Variants in UGT2B10 observed in about 807,000 individuals in gnomAD.
UGT2B10 encodes the protein UDP glucuronosyltransferase family 2 member B10, also known as UDP-glucuronosyltransferase 2B10.
UGT2B10 carries 51 observed loss-of-function variants against 43.7 expected under a neutral mutation model. The observed-to-expected ratio is 1.17, with a 90% CI of 0.93 to 1.47. UGT2B10 has a LOEUF of 1.47. Among genes scored for constraint, UGT2B10 ranks in the 40% most tolerant of loss-of-function variants. The pLI is 0.00. For missense variants in UGT2B10, 696 were observed against 617.7 expected, an observed-to-expected ratio of 1.13 and a Z score of -1.34; for synonymous variants, 225 against 209.0, an observed-to-expected ratio of 1.08 and a Z score of -0.66.
In UGT2B10 at chr4:68,830,695, G is replaced by A. The variant is rs375571968; in HGVS notation, c.1403G>A (p.Arg468His). Residue 468 changes from arginine (R) to histidine (H), a missense_variant, in exon 6 of 6, where the codon CGC (arginine) becomes CAC (histidine). Coordinates refer to ENST00000265403, the MANE Select transcript of UGT2B10 (RefSeq NM_001075.6). The part of the protein sequence containing the change: ...RAVFWIEFVM[R>H]HKGAKHLRVA... ...GTCTTCTGGATTGAATTTGTCATGC[G>A]CCACAAAGGAGCCAAACATCTTCGA... The A allele has an allele frequency of 1.4e-4, 230 of 1,613,236 alleles. No individual in the cohort carries two copies. Among genetic ancestry groups the A allele is most frequent in the Non-Finnish European group, 1.8e-4 (213 of 1,179,504 alleles).
chr4:68,826,608 ACTT>A (rs758224292), intron 4 of UGT2B10, 111 bp downstream of exon 4: 85 of 1,299,724 alleles, frequency 6.5e-5, no homozygotes, highest in Middle Eastern at 4.6e-4. Flanking sequence ...ACAAAAAAGA[ACTT>A]CTTTATATTT....
At chr4:68,826,627 C>A (rs1374258213) in intron 4 of UGT2B10, 130 bp downstream of exon 4, 3 of 1,143,882 alleles carry the variant, frequency 2.6e-6, no homozygotes, top group Non-Finnish European at 3.6e-6. Context: ...TATTTATTTT[C>A]CAGTCCTAGG....
intron 5 of UGT2B10, among the ~76,000 whole-genome samples, chr4:68,829,548 G>A (rs138640546): frequency 0.036 from 5,493 of 151,952 alleles, 337 homozygotes; most frequent in African/African-American, 0.12. Flanking sequence ...CTAGGAATCA[G>A]ATAGAAAATA....
At chr4:68,824,408 A>G (rs1203656607) in intron 3 of UGT2B10, among the ~76,000 whole-genome samples, 4 of 152,110 alleles carry the variant, frequency 2.6e-5, no homozygotes, top group Non-Finnish European at 5.9e-5. Flanking sequence ...CAGATTAACA[A>G]CCCCTCCCAA....
rs1738109646 is a variant in UGT2B10 at position 68,831,764 on chromosome 4, T to C, written c.*885T>C. 6.6e-6 allele frequency among the ~76,000 whole-genome samples: 1 copy of C among 152,128 alleles called. No individual in the cohort carries two copies. Among genetic ancestry groups the C allele is most frequent in the African/African-American group, 2.4e-5 (1 of 41,462 alleles). On this transcript the variant is annotated 3_prime_UTR_variant, in exon 6 of 6. Transcript: ENST00000265403. ...ATGCTTTGTTAAAGTGTTTATGCCC[T>C]GATTCAATGTGATTATCTCAATTTT... is the stretch of plus-strand genomic sequence containing the variant.
Position 68,818,042 on chromosome 4 carries a change from A to T in UGT2B10, c.732A>T (p.Thr244=). The T allele has an allele frequency of 4.3e-6, 7 of 1,609,690 alleles. No individual in the cohort carries two copies. Among genetic ancestry groups the T allele is most frequent in the Non-Finnish European group, 5.9e-6 (7 of 1,178,046 alleles). The change falls in exon 2 of 6, where the codon ACA becomes ACT. Residue 244 remains threonine, a synonymous_variant. Transcript: ENST00000265403. ...TATTCCTATCAGGAAGACCCACTAC[A>T]TTATCTGAGACAATGAGGAAAGCTG... ...FYSEVLGRPT[T]LSETMRKADI... is the part of the protein sequence containing the mutation.
At chr4:68,821,302 A>G (rs1201306656) in intron 2 of UGT2B10, among the ~76,000 whole-genome samples, 4 of 152,168 alleles carry the variant, frequency 2.6e-5, no homozygotes, top group Non-Finnish European at 5.9e-5. Flanking sequence ...GCAGCCAAGC[A>G]CATCTTCACC....
chr4:68,818,996 GT>G (rs1411765520), intron 2 of UGT2B10, among the ~76,000 whole-genome samples: 5 of 151,982 alleles, frequency 3.3e-5, no homozygotes, highest in Admixed American at 6.6e-5. Flanking sequence ...GGGCCAGACT[GT>G]AAAGACCGAA....
At chr4:68,821,542 T>A (rs1195699521) in intron 2 of UGT2B10, among the ~76,000 whole-genome samples, 1 of 152,170 alleles carries the variant, frequency 6.6e-6, no homozygotes, top group Non-Finnish European at 1.5e-5. Context: ...ATTATTCAAC[T>A]ACTAACTATA....
rs368027243 is a variant in UGT2B10 at position 68,830,665 on chromosome 4, G to T, written c.1373G>T (p.Arg458Leu). ...GATCAACCAGTGAAGCCCCTGGATC[G>T]AGCAGTCTTCTGGATTGAATTTGTC... is the stretch of plus-strand genomic sequence containing the variant. Reference protein sequence around the residue: ...QHDQPVKPLDRAVFWIEFVMR... With the variant: ...QHDQPVKPLDLAVFWIEFVMR... The change falls in exon 6 of 6, where the codon CGA becomes CTA. Residue 458 changes from arginine to leucine, a missense_variant. Arg to Leu is a moderately radical substitution (Grantham distance 102). Coordinates refer to ENST00000265403, the MANE Select transcript of UGT2B10 (RefSeq NM_001075.6). The T allele has an allele frequency of 1.6e-5, 26 of 1,613,102 alleles. No individual in the cohort carries two copies. The highest frequency in any genetic ancestry group is 2.1e-5 in the Non-Finnish European group (25 of 1,179,430).
chr4:68,816,867 A>G (rs1245953199), intron 1 of UGT2B10, 130 bp downstream of exon 1: 3 of 826,162 alleles, frequency 3.6e-6, no homozygotes, highest in South Asian at 3.9e-5. Context: ...AAAATACAAG[A>G]TGATCTACCA....
chr4:68,818,659 T>C (rs1268585752), intron 2 of UGT2B10, among the ~76,000 whole-genome samples: 1 of 151,856 alleles, frequency 6.6e-6, no homozygotes, highest in East Asian at 1.9e-4. Flanking sequence ...GTGGAGATAA[T>C]AGAAAGTATC....
chr4:68,828,724 A>G (rs1202182168), intron 5 of UGT2B10, among the ~76,000 whole-genome samples: 3 of 152,166 alleles, frequency 2.0e-5, no homozygotes, highest in South Asian at 4.1e-4. Flanking sequence ...CAATACACAT[A>G]TATGTATCGT....
chr4:68,822,449 G>C (rs1560417020), intron 3 of UGT2B10, 47 bp downstream of exon 3: 2 of 1,607,806 alleles, frequency 1.2e-6, no homozygotes, highest in Admixed American at 3.5e-5. Context: ...GAAAGAGGCT[G>C]TTAAAGTTTG....
intron 3 of UGT2B10, among the ~76,000 whole-genome samples, chr4:68,823,984 G>T (rs1457033350): frequency 6.6e-6 from 1 of 152,100 alleles, no homozygotes; most frequent in Admixed American, 6.6e-5. Context: ...GAATTCCTGA[G>T]GGCACTGTAC....
intron 2 of UGT2B10, among the ~76,000 whole-genome samples, chr4:68,819,292 C>A (rs1379523892): frequency 3.3e-5 from 5 of 151,922 alleles, no homozygotes; most frequent in Non-Finnish European, 4.4e-5. Context: ...TTAAGAGAAC[C>A]AGATTATTCA....
In UGT2B10 at chr4:68,822,256, T is replaced by C; in HGVS notation, c.868-15T>C. On this transcript the variant is annotated splice_polypyrimidine_tract_variant and intron_variant, in intron 2 of 5. Transcript: ENST00000265403. ...ATACTCTTTTATGATGAAACATTTT[T>C]TCTTTTTCCCACAGGAAATGGAGGA... The C allele has an allele frequency of 1.2e-6, 2 of 1,609,076 alleles. No individual in the cohort carries two copies. Among genetic ancestry groups the C allele is most frequent in the Non-Finnish European group, 1.7e-6 (2 of 1,179,062 alleles).
Position 68,831,598 on chromosome 4 carries a change from A to G in UGT2B10, c.*719A>G, listed in dbSNP as rs1375425547. On this transcript the variant is annotated 3_prime_UTR_variant, in exon 6 of 6. Transcript: ENST00000265403. ...TGAATGATTGACTGAACAGCCCACA[A>G]GAAGAATCACTTAATGCTCTGAAAA... Among the ~76,000 whole-genome samples the G allele has an allele frequency of 6.6e-6, 1 of 152,156 alleles. No individual in the cohort carries two copies. Among genetic ancestry groups the G allele is most frequent in the African/African-American group, 2.4e-5 (1 of 41,466 alleles).
chr4:68,824,456 A>G lies in UGT2B10; in HGVS notation c.1000-1954A>G, dbSNP rs144464807. On this transcript the variant is annotated intron_variant, in intron 3 of 5. Coordinates refer to ENST00000265403, the MANE Select transcript of UGT2B10 (RefSeq NM_001075.6). The stretch of plus-strand genomic sequence containing the variant: ...AAGGAAATATAGGAAGGAGACAAAC[A>G]GAAGGAAGCCAGGCAGGGGAACAGG... Among the ~76,000 whole-genome samples the G allele has an allele frequency of 9.0e-3, 1,373 of 152,292 alleles. 55 individuals carry two copies. The East Asian group carries it at 0.11, about 12-fold the overall frequency.
Sources: gnomAD v4.1 joint callset for allele counts (sites outside exome capture counted in the v4.1 genomes callset) on GRCh38, gnomAD v4.1.1 for gene constraint, MANE v1.5 for transcripts, NCBI Gene and HGNC (gene_info 2026-07-23, HGNC 2026-07-21) for gene names.